The following BCL11A variants were observed in gnomAD, a reference collection of about 807,000 sequenced individuals.
BCL11A encodes B cell CLL/lymphoma 11A.
BCL11A carries 2 observed loss-of-function variants against 55.9 expected under a neutral mutation model. The observed-to-expected ratio is 0.04, with a 90% confidence interval of 0.01 to 0.11. BCL11A has a LOEUF of 0.11. Ranked by LOEUF, BCL11A falls within the 10% of genes least tolerant of loss-of-function variation. The pLI is 1.00. For missense variants in BCL11A, 817 were observed against 1,137.1 expected (o/e 0.72, Z 4.05); for synonymous variants, 465 against 473.4 (o/e 0.98, Z 0.23).
At chr2:60,545,103 G>A (rs1215734175) in intron 2 of BCL11A, 1 of 152,238 alleles carries the variant, frequency 6.6e-6, no homozygotes, top group African/African-American at 2.4e-5. Flanking sequence ...TTGTAAGGGT[G>A]ACATGTGGCT....
intron 2 of BCL11A, among the ~76,000 whole-genome samples, chr2:60,532,637 A>T (rs1420777881): frequency 6.6e-6 from 1 of 152,210 alleles, no homozygotes; most frequent in Non-Finnish European, 1.5e-5. Context: ...CAAATTTCAG[A>T]TCATGTGTTG....
At chr2:60,528,870 C>T (rs529557940) in intron 2 of BCL11A, among the ~76,000 whole-genome samples, 10 of 152,188 alleles carry the variant, frequency 6.6e-5, no homozygotes, top group Non-Finnish European at 1.2e-4. Flanking sequence ...CTGTGCTTTC[C>T]CTCATTTACT....
intron 2 of BCL11A, among the ~76,000 whole-genome samples, chr2:60,504,653 C>T (rs1286377737): frequency 2.0e-5 from 3 of 152,188 alleles, no homozygotes; most frequent in Non-Finnish European, 4.4e-5. Context: ...GTTCTCTCAG[C>T]ATTTCAGCAG....
intron 2 of BCL11A, among the ~76,000 whole-genome samples, chr2:60,502,300 G>A (rs748577539): frequency 5.9e-5 from 9 of 152,244 alleles, no homozygotes; most frequent in Admixed American, 4.6e-4. Flanking sequence ...AAGTCAGGGA[G>A]TAGGTAAACA....
chr2:60,553,366 A>T lies in BCL11A; in HGVS notation c.-96T>A. On this transcript the variant is annotated 5_prime_UTR_variant, in exon 1 of 4. Transcript: ENST00000642384. The stretch of plus-strand genomic sequence containing the variant: ...GGAGAGCCGGGTTAGAAAGAAGGAG[A>T]CTCCAGAGAAAATATCTTCATCAGT... 1.5e-6 allele frequency: 2 copies of T among 1,293,326 alleles called. No individual in the cohort carries two copies. Among genetic ancestry groups the T allele is most frequent in the Non-Finnish European group, 2.1e-6 (2 of 937,806 alleles). 80.1% of individuals were successfully genotyped at this position (1,293,326 alleles called of 1,614,324 possible). A position where few individuals can be genotyped will look rare whatever the true frequency, so the allele number is the denominator to read the frequency against.
At chr2:60,475,949 C>T (rs1349942537) in intron 2 of BCL11A, among the ~76,000 whole-genome samples, 2 of 152,190 alleles carry the variant, frequency 1.3e-5, no homozygotes, top group African/African-American at 2.4e-5. Context: ...CCAGCTGTTT[C>T]GTGACTTTGA....
At chr2:60,551,066 C>T (rs1670394396) in intron 1 of BCL11A, 1 of 397,226 alleles carries the variant, frequency 2.5e-6, no homozygotes, top group South Asian at 1.4e-4. Flanking sequence ...ATTAAATTCC[C>T]TGTGCGCACC....
In BCL11A at chr2:60,546,206, C is replaced by T. The variant is rs1670144879; in HGVS notation, c.150G>A (p.Gln50=). The part of the protein sequence containing the change: ...EGDHDLLTCG[Q]CQMNFPLGDI... ...CCCCCAATGGGAAGTTCATCTGGCA[C>T]TGCCCACAGGTGAGGAGGTCATGAT... Residue 50 remains glutamine, a synonymous_variant, in exon 2 of 4, where the codon CAG becomes CAA. Coordinates refer to ENST00000642384, the MANE Select transcript of BCL11A (RefSeq NM_022893.4). This position sits in a 1 kb window ranked among gnomAD's most constrained non-coding sequence, Gnocchi z 4.1. 1 of 1,614,238 alleles carries T rather than the reference C, an allele frequency of 6.2e-7. No homozygotes were observed. The highest frequency in any genetic ancestry group is 1.1e-5 in the South Asian group (1 of 91,084).
chr2:60,479,684 GC>G (rs1463177098), intron 2 of BCL11A, among the ~76,000 whole-genome samples: 1 of 152,112 alleles, frequency 6.6e-6, no homozygotes, highest in Non-Finnish European at 1.5e-5. Context: ...CTGTACTCCT[GC>G]CCCAGCTCTA....
intron 2 of BCL11A, among the ~76,000 whole-genome samples, chr2:60,502,787 A>C (rs530706717): frequency 2.9e-4 from 44 of 152,360 alleles, no homozygotes; most frequent in African/African-American, 1.1e-3. Context: ...ATTGGTGATC[A>C]AAAGAAATAA....
intron 2 of BCL11A, among the ~76,000 whole-genome samples, chr2:60,488,756 G>C (rs1678437065): frequency 6.6e-6 from 1 of 152,124 alleles, no homozygotes; most frequent in South Asian, 2.1e-4. Flanking sequence ...TTGTTTGTTT[G>C]TTTGTTTGTT....
chr2:60,497,796 CT>C (rs1164681416), intron 2 of BCL11A, among the ~76,000 whole-genome samples: 2 of 152,178 alleles, frequency 1.3e-5, no homozygotes, highest in Non-Finnish European at 2.9e-5. Flanking sequence ...TCAGTGGCCT[CT>C]TTTGTCTCAT....
intron 2 of BCL11A, among the ~76,000 whole-genome samples, chr2:60,498,316 G>C (rs7606173): frequency 0.39 from 58,584 of 151,546 alleles, 12,021 homozygotes; most frequent in African/African-American, 0.44. Flanking sequence ...ACAGCCTTGG[G>C]GACCGCTCAC....
chr2:60,474,808 G>A (rs1467438879), intron 2 of BCL11A, among the ~76,000 whole-genome samples: 1 of 152,176 alleles, frequency 6.6e-6, no homozygotes, highest in Non-Finnish European at 1.5e-5. Flanking sequence ...TGGGCTAGCC[G>A]CTGTGGGCAG....
At chr2:60,453,443 C>T (rs879428902), downstream of BCL11A, among the ~76,000 whole-genome samples, 7 of 152,178 alleles carry the variant, frequency 4.6e-5, no homozygotes, top group Non-Finnish European at 8.8e-5. Context: ...CATGGCGACC[C>T]GAAGCAGGGG....
intron 2 of BCL11A, chr2:60,527,964 C>T (rs1669277902): frequency 1.3e-5 from 2 of 152,238 alleles, no homozygotes; most frequent in African/African-American, 4.8e-5. Flanking sequence ...TGAAAACTTG[C>T]CTCTGGGGAA....
intron 2 of BCL11A, chr2:60,526,512 G>A (rs867326829): frequency 5.3e-5 from 8 of 152,282 alleles, no homozygotes; most frequent in Admixed American, 1.3e-4. Flanking sequence ...AAAATGTGTC[G>A]GGTAATTAAA....
At chr2:60,477,096 T>G (rs1677651801) in intron 2 of BCL11A, among the ~76,000 whole-genome samples, 1 of 152,194 alleles carries the variant, frequency 6.6e-6, no homozygotes, top group African/African-American at 2.4e-5. Flanking sequence ...AATCATCATT[T>G]GGACACCTGG....
intron 1 of BCL11A, among the ~76,000 whole-genome samples, chr2:60,548,694 T>C (rs1271253546): frequency 2.0e-5 from 3 of 152,256 alleles, no homozygotes; most frequent in Non-Finnish European, 4.4e-5. Context: ...TTCTAATGTA[T>C]GAAATACGTT....
Sources: allele counts gnomAD v4.1 joint callset (sites outside exome capture counted in the v4.1 genomes callset), GRCh38; gene constraint gnomAD v4.1.1; non-coding constraint Gnocchi (gnomAD v3.1); transcripts MANE v1.5; gene names NCBI Gene and HGNC (gene_info 2026-07-23, HGNC 2026-07-21).